CTTNBP2: variants seen among roughly 807,000 people sequenced by gnomAD.
The protein encoded by CTTNBP2 is cortactin-binding protein 2.
CTTNBP2 carries 108 observed loss-of-function variants against 156.9 expected under a neutral mutation model. The observed-to-expected ratio is 0.69, with a 90% confidence interval of 0.59 to 0.81. The LOEUF (loss-of-function observed/expected upper bound fraction) is 0.81, where lower values mean the gene tolerates loss of function less well. Ranked by LOEUF, CTTNBP2 falls within the 30% of genes least tolerant of loss-of-function variation. CTTNBP2 has a pLI of 0.00. For missense variants in CTTNBP2, 1,924 were observed against 2,035.4 expected, an observed-to-expected ratio of 0.95 and a Z score of 1.05; for synonymous variants, 767 against 751.8, an observed-to-expected ratio of 1.02 and a Z score of -0.33.
chr7:117,733,010 C>A (rs776087800), intron 16 of CTTNBP2, among the ~76,000 whole-genome samples: 1 of 152,100 alleles, frequency 6.6e-6, no homozygotes, highest in African/African-American at 2.4e-5. Context: ...GTATTTCCTA[C>A]TAAAAAGGGT....
At chr7:117,789,493 A>G (rs574725795) in intron 4 of CTTNBP2, among the ~76,000 whole-genome samples, 14 of 152,292 alleles carry the variant, frequency 9.2e-5, no homozygotes, top group Admixed American at 6.5e-4. Context: ...GAGTAGCAAA[A>G]TTCCTCTCTG....
At position 117,784,255 on chromosome 7, in the gene CTTNBP2, A is replaced by G; in HGVS notation, c.2268T>C (p.His756=). The G allele has an allele frequency of 6.2e-7, 1 of 1,602,772 alleles. No individual in the cohort carries two copies. Among genetic ancestry groups the G allele is most frequent in the African/African-American group, 1.3e-5 (1 of 74,674 alleles). The part of the protein sequence containing the change: ...SALYSAAKNG[H]TDCVRLLLSA... Reference sequence around the variant, plus strand: ...ATAAGATCTCGCCATATTTACCTGTATGTCCATTCTTAGCAGCAGAATACA... The same window carrying G: ...ATAAGATCTCGCCATATTTACCTGTGTGTCCATTCTTAGCAGCAGAATACA... Residue 756 remains histidine, a synonymous_variant, in exon 5 of 23, where the codon CAT becomes CAC. Transcript: ENST00000160373.
chr7:117,777,771 AAT>A lies in CTTNBP2; in HGVS notation c.2524-8_2524-7del. Reference sequence around the variant, plus strand: ...TGAACTGGTGTCCAGCCATCCTGAAAATAAAATGACCAGGGGGAAAGGGTTGA... The same window carrying A: ...TGAACTGGTGTCCAGCCATCCTGAAAAAAATGACCAGGGGGAAAGGGTTGA... On this transcript the variant is annotated splice_region_variant and splice_polypyrimidine_tract_variant and intron_variant, in intron 7 of 22. Transcript: ENST00000160373. 17 of 1,601,524 alleles carry A rather than the reference AAT, an allele frequency of 1.1e-5. No homozygotes were observed. Among genetic ancestry groups the A allele is most frequent in the Non-Finnish European group, 1.5e-5 (17 of 1,170,940 alleles).
At chr7:117,849,357 T>C (rs1324543316) in intron 2 of CTTNBP2, among the ~76,000 whole-genome samples, 1 of 152,210 alleles carries the variant, frequency 6.6e-6, no homozygotes, top group Non-Finnish European at 1.5e-5. Context: ...CCCCAGAGTT[T>C]CTGAGTTAGT....
intron 2 of CTTNBP2, among the ~76,000 whole-genome samples, chr7:117,836,297 G>T (rs1412980983): frequency 3.3e-5 from 5 of 152,186 alleles, no homozygotes; most frequent in Non-Finnish European, 7.3e-5. Context: ...GGGAGCGGTG[G>T]CTCACGCCTG....
At chr7:117,784,490 GCAAGGA>G (rs777676672) in intron 4 of CTTNBP2, 36 bp from the exon 5 acceptor site, 1 of 1,464,714 alleles carries the variant, frequency 6.8e-7, no homozygotes, top group Non-Finnish European at 9.2e-7. Flanking sequence ...GAGAGTAGGA[GCAAGGA>G]CAAGAGACAG....
At chr7:117,841,789 T>C (rs1232308212) in intron 2 of CTTNBP2, among the ~76,000 whole-genome samples, 1 of 152,196 alleles carries the variant, frequency 6.6e-6, no homozygotes, top group East Asian at 1.9e-4. Context: ...AGATTACTTC[T>C]CTTTTTCATG....
intron 8 of CTTNBP2, among the ~76,000 whole-genome samples, chr7:117,768,442 T>C (rs1410606675): frequency 6.6e-6 from 1 of 150,972 alleles, no homozygotes; most frequent in African/African-American, 2.4e-5. Flanking sequence ...GGTGGGCGCC[T>C]GTAATCCCAG....
chr7:117,725,316 A>C, intron 17 of CTTNBP2, 59 bp from the exon 18 acceptor site: 2 of 1,460,154 alleles, frequency 1.4e-6, no homozygotes, highest in Non-Finnish European at 1.9e-6. Context: ...ATTATACACA[A>C]TTCCGTGAAA....
chr7:117,823,835 C>G (rs1005151521), intron 2 of CTTNBP2, among the ~76,000 whole-genome samples: 2 of 152,252 alleles, frequency 1.3e-5, no homozygotes, highest in South Asian at 4.1e-4. Context: ...GGACCACAGG[C>G]ACACAGCACC....
At chr7:117,722,716 A>G (rs1794870889) in intron 19 of CTTNBP2, among the ~76,000 whole-genome samples, 1 of 152,210 alleles carries the variant, frequency 6.6e-6, no homozygotes. Flanking sequence ...CTTAAACTTT[A>G]TAGAGATTCT....
At chr7:117,840,419 G>A (rs1446642240) in intron 2 of CTTNBP2, among the ~76,000 whole-genome samples, 2 of 151,998 alleles carry the variant, frequency 1.3e-5, no homozygotes, top group African/African-American at 4.8e-5. Flanking sequence ...CCAGCTACTG[G>A]AGAGGCCACC....
chr7:117,819,367 TCA>T (rs71529472), intron 2 of CTTNBP2, among the ~76,000 whole-genome samples: 22,270 of 130,022 alleles, frequency 0.17, 1,901 homozygotes, highest in South Asian at 0.27. Context: ...TCTCTCTCTC[TCA>T]CACACACACA....
chr7:117,812,813 G>GT (rs1368540396), intron 2 of CTTNBP2, among the ~76,000 whole-genome samples: 1 of 152,084 alleles, frequency 6.6e-6, no homozygotes, highest in Non-Finnish European at 1.5e-5. Flanking sequence ...ATAATTCTAT[G>GT]TTTTTTCCTA....
At position 117,728,144 on chromosome 7, in the gene CTTNBP2, G is replaced by T. The variant is rs760719352; in HGVS notation, c.4000C>A (p.Pro1334Thr). ...RLGTPEALLG[P>T]KYFLSCPVVP... is the part of the protein sequence containing the mutation. ...ACAGGACAAGACAGGAAATATTTTG[G>T]TCCAAGAAGTGCTTCAGGTGTGCCC... Residue 1334 changes from proline (P) to threonine (T), a missense_variant, in exon 17 of 23, where the codon CCA becomes ACA. By Grantham distance (38) the Pro-to-Thr change is conservative (BLOSUM62 -1). Coordinates refer to ENST00000160373, the MANE Select transcript of CTTNBP2 (RefSeq NM_033427.3). The T allele has an allele frequency of 6.2e-7, 1 of 1,614,186 alleles. No individual in the cohort carries two copies. Among genetic ancestry groups the T allele is most frequent in the Non-Finnish European group, 8.5e-7 (1 of 1,180,024 alleles).
chr7:117,837,158 C>A (rs181398017), intron 2 of CTTNBP2, among the ~76,000 whole-genome samples: 2 of 152,316 alleles, frequency 1.3e-5, no homozygotes, highest in East Asian at 3.9e-4. Context: ...AAAAGCTAGA[C>A]TTAGTCCTGT....
intron 3 of CTTNBP2, among the ~76,000 whole-genome samples, chr7:117,801,479 C>T (rs769617760): frequency 1.2e-4 from 19 of 152,146 alleles, no homozygotes; most frequent in African/African-American, 2.4e-4. Context: ...AACAATTAAA[C>T]GCAATGCCTG....
chr7:117,843,918 A>G (rs1464751343), intron 2 of CTTNBP2, among the ~76,000 whole-genome samples: 1 of 152,172 alleles, frequency 6.6e-6, no homozygotes, highest in African/African-American at 2.4e-5. Flanking sequence ...TTGCGATGTG[A>G]TTAAGTTAAA....
chr7:117,831,693 C>G (rs1440742662), intron 2 of CTTNBP2, among the ~76,000 whole-genome samples: 2 of 151,748 alleles, frequency 1.3e-5, no homozygotes, highest in African/African-American at 4.8e-5. Flanking sequence ...TAGAAGGAGC[C>G]TATTCTCTCC....
Sources: allele counts gnomAD v4.1 joint callset (sites outside exome capture counted in the v4.1 genomes callset), GRCh38; gene constraint gnomAD v4.1.1; transcripts MANE v1.5; gene names NCBI Gene and HGNC (gene_info 2026-07-23, HGNC 2026-07-21).